Variants in NMNAT2 observed in about 807,000 individuals in gnomAD.
The protein encoded by NMNAT2 is nicotinamide nucleotide adenylyltransferase 2.
A neutral mutation model predicts 41.6 loss-of-function variants in NMNAT2; 11 were observed. That is an observed-to-expected ratio of 0.26 (90% CI 0.17 to 0.44). The LOEUF is 0.44. Ranked by LOEUF, NMNAT2 falls within the 20% of genes least tolerant of loss-of-function variation. The pLI is 1.00. For synonymous variants in NMNAT2, 148 were observed against 151.2 expected (o/e 0.98, Z 0.16); for missense variants, 288 against 407.7 (o/e 0.71, Z 2.53).
At chr1:183,393,133 C>T (rs778208603) in intron 1 of NMNAT2, among the ~76,000 whole-genome samples, 10 of 152,142 alleles carry the variant, frequency 6.6e-5, no homozygotes, top group Non-Finnish European at 1.0e-4. Context: ...TAATTCACCT[C>T]GAGTGGAAGA....
intron 1 of NMNAT2, among the ~76,000 whole-genome samples, chr1:183,314,587 T>C (rs1662199164): frequency 6.6e-6 from 1 of 152,236 alleles, no homozygotes; most frequent in Non-Finnish European, 1.5e-5. Flanking sequence ...AGAGCAGCCT[T>C]GGCTATGGCA....
rs1557897823 is a variant in NMNAT2 at position 183,389,845 on chromosome 1, GAAAAAA to G, written c.85+28332_85+28337del. Among the ~76,000 whole-genome samples, 268 of 43,972 alleles carry G rather than the reference GAAAAAA, an allele frequency of 6.1e-3. 54 individuals carry two copies. Among genetic ancestry groups the G allele is most frequent in the Middle Eastern group, 0.036 (2 of 56 alleles). 28.8% of individuals were successfully genotyped at this position (43,972 alleles called of 152,430 possible). A position where few individuals can be genotyped will look rare whatever the true frequency, so the allele number is the denominator to read the frequency against. On this transcript the variant is annotated intron_variant, in intron 1 of 10. Coordinates refer to ENST00000287713, the MANE Select transcript of NMNAT2 (RefSeq NM_015039.4). ...GAAAGAAAGAAAGAAAGAAAGAAAG[GAAAAAA>G]GAGAAAGAAAGAAAGAAAGAAGGGA... is the stretch of plus-strand genomic sequence containing the variant.
At chr1:183,364,755 G>A (rs941789180) in intron 1 of NMNAT2, among the ~76,000 whole-genome samples, 5 of 151,566 alleles carry the variant, frequency 3.3e-5, no homozygotes, top group East Asian at 1.9e-4. Flanking sequence ...GCAGTGGCAC[G>A]ATCTTGGCTC....
intron 1 of NMNAT2, among the ~76,000 whole-genome samples, chr1:183,408,550 A>T (rs574740560): frequency 4.1e-4 from 62 of 152,262 alleles, no homozygotes; most frequent in African/African-American, 1.4e-3. Context: ...TTATTTTACA[A>T]ATGAGAAAGA....
intron 10 of NMNAT2, among the ~76,000 whole-genome samples, chr1:183,255,800 A>C (rs949997952): frequency 6.6e-6 from 1 of 151,416 alleles, no homozygotes; most frequent in African/African-American, 2.4e-5. Context: ...AGTAGCTCGG[A>C]TTACAGGCAC....
At chr1:183,400,270 T>C (rs565306675) in intron 1 of NMNAT2, among the ~76,000 whole-genome samples, 2 of 151,902 alleles carry the variant, frequency 1.3e-5, no homozygotes, top group Non-Finnish European at 2.9e-5. Context: ...ACACCAATAA[T>C]AGACAAACAA....
At chr1:183,285,824 C>T (rs556953375) in intron 5 of NMNAT2, among the ~76,000 whole-genome samples, 8 of 152,080 alleles carry the variant, frequency 5.3e-5, no homozygotes, top group East Asian at 3.9e-4. Flanking sequence ...TAAATAAGAA[C>T]GCAGGTAAAG....
At chr1:183,252,833 T>C in intron 10 of NMNAT2, 90 bp from the exon 11 acceptor site, 3 of 909,824 alleles carry the variant, frequency 3.3e-6, no homozygotes, top group Admixed American at 1.9e-5. Flanking sequence ...AGCACCCCAT[T>C]TGTAGCCTTT....
chr1:183,271,372 G>A (rs541010355), intron 8 of NMNAT2, among the ~76,000 whole-genome samples: 43 of 152,178 alleles, frequency 2.8e-4, no homozygotes, highest in Non-Finnish European at 5.7e-4. Context: ...TCCTTAAAAA[G>A]CTCTTCTCTT....
chr1:183,330,205 C>T (rs1344118440), intron 1 of NMNAT2, among the ~76,000 whole-genome samples: 1 of 152,200 alleles, frequency 6.6e-6, no homozygotes, highest in African/African-American at 2.4e-5. Context: ...GTATCCATCA[C>T]ATAGGATTGT....
intron 7 of NMNAT2, among the ~76,000 whole-genome samples, chr1:183,280,133 C>T (rs1661220735): frequency 1.3e-5 from 2 of 152,188 alleles, no homozygotes; most frequent in African/African-American, 4.8e-5. Flanking sequence ...CCCAACTCCC[C>T]AACTGTGGAG....
chr1:183,410,136 C>T (rs931048443), intron 1 of NMNAT2, among the ~76,000 whole-genome samples: 83 of 148,522 alleles, frequency 5.6e-4, no homozygotes, highest in Non-Finnish European at 5.5e-4. Flanking sequence ...TGGTGAAATC[C>T]TGTCTCTACA....
chr1:183,356,868 C>A (rs573003387), intron 1 of NMNAT2, among the ~76,000 whole-genome samples: 37 of 152,300 alleles, frequency 2.4e-4, no homozygotes, highest in African/African-American at 8.9e-4. Flanking sequence ...AGAATCAGGT[C>A]TACCGTTAGA....
intron 1 of NMNAT2, among the ~76,000 whole-genome samples, chr1:183,394,964 C>A (rs899178214): frequency 2.0e-5 from 3 of 152,288 alleles, no homozygotes; most frequent in African/African-American, 7.2e-5. Flanking sequence ...CCCACAATAT[C>A]CCCGGATGGC....
chr1:183,319,269 C>T (rs1395566745), intron 1 of NMNAT2, among the ~76,000 whole-genome samples: 3 of 152,184 alleles, frequency 2.0e-5, no homozygotes, highest in Non-Finnish European at 2.9e-5. Context: ...GCCAGGAATA[C>T]AAGAATTTAG....
chr1:183,293,835 C>A (rs537830362), intron 1 of NMNAT2, 42 bp from the exon 2 acceptor site: 2 of 1,408,250 alleles, frequency 1.4e-6, no homozygotes, highest in South Asian at 2.3e-5. Flanking sequence ...AGAGGAAAGG[C>A]ATGGATTAAA....
chr1:183,262,775 A>C (rs1660696369), intron 8 of NMNAT2, among the ~76,000 whole-genome samples: 1 of 152,224 alleles, frequency 6.6e-6, no homozygotes, highest in Non-Finnish European at 1.5e-5. Flanking sequence ...AAGTTACGGC[A>C]TTTAATACTC....
chr1:183,320,119 G>A (rs1278418466), intron 1 of NMNAT2, among the ~76,000 whole-genome samples: 1 of 152,226 alleles, frequency 6.6e-6, no homozygotes, highest in Admixed American at 6.5e-5. Context: ...TAGATCCTGA[G>A]GATGAGATGA....
intron 1 of NMNAT2, among the ~76,000 whole-genome samples, chr1:183,321,091 C>T (rs1662348075): frequency 6.6e-6 from 1 of 152,182 alleles, no homozygotes. Context: ...GATTTAGGGG[C>T]AGTTGCAATT....
Sources: gnomAD v4.1 joint callset for allele counts (sites outside exome capture counted in the v4.1 genomes callset) on GRCh38, gnomAD v4.1.1 for gene constraint, MANE v1.5 for transcripts, NCBI Gene and HGNC (gene_info 2026-07-23, HGNC 2026-07-21) for gene names.